GLUD1: variants seen among roughly 807,000 people sequenced by gnomAD.
GLUD1 encodes glutamate dehydrogenase 1, mitochondrial.
A neutral mutation model predicts 56.0 loss-of-function variants in GLUD1; 22 were observed. That is an observed-to-expected ratio of 0.39 (90% CI 0.28 to 0.56). The LOEUF (loss-of-function observed/expected upper bound fraction) is 0.56, where lower values mean the gene tolerates loss of function less well. Among genes scored for constraint, GLUD1 ranks in the 20% least tolerant of loss-of-function variants. The pLI is 0.58. For missense variants in GLUD1, 451 were observed against 732.0 expected, an observed-to-expected ratio of 0.62 and a Z score of 4.43; for synonymous variants, 223 against 269.9, an observed-to-expected ratio of 0.83 and a Z score of 1.70.
At chr10:87,059,764 T>C (rs1351437186) in intron 9 of GLUD1, among the ~76,000 whole-genome samples, 3 of 152,166 alleles carry the variant, frequency 2.0e-5, no homozygotes, top group Non-Finnish European at 2.9e-5. Flanking sequence ...GTAGACTCAT[T>C]TTTACTTGCT....
chr10:87,072,644 T>G (rs1846270046), intron 4 of GLUD1, among the ~76,000 whole-genome samples: 1 of 152,198 alleles, frequency 6.6e-6, no homozygotes, highest in African/African-American at 2.4e-5. Flanking sequence ...TAAGCTGTGT[T>G]TTCTTTCAGT....
chr10:87,055,405 G>A (rs1314233998), intron 11 of GLUD1, among the ~76,000 whole-genome samples: 1 of 152,148 alleles, frequency 6.6e-6, no homozygotes, highest in African/African-American at 2.4e-5. Context: ...GGAAACTAGA[G>A]GGAGAGAGCT....
chr10:87,092,918 A>G (rs1455860409), intron 1 of GLUD1, among the ~76,000 whole-genome samples: 1 of 152,210 alleles, frequency 6.6e-6, no homozygotes, highest in African/African-American at 2.4e-5. Context: ...GGTAGGAAGA[A>G]GGCAGGCAAA....
intron 1 of GLUD1, among the ~76,000 whole-genome samples, chr10:87,080,990 C>T (rs1323250790): frequency 1.4e-5 from 2 of 140,170 alleles, no homozygotes; most frequent in African/African-American, 2.6e-5. Flanking sequence ...GCCCCCCGCC[C>T]GGCCAGCCGC....
At chr10:87,080,693 T>A (rs1407831376) in intron 1 of GLUD1, among the ~76,000 whole-genome samples, 1 of 145,528 alleles carries the variant, frequency 6.9e-6, no homozygotes, top group Admixed American at 6.7e-5. Context: ...GAGGAGACCC[T>A]CTGCCCGGCA....
At chr10:87,075,643 C>T (rs543746487) in intron 3 of GLUD1, among the ~76,000 whole-genome samples, 7 of 152,210 alleles carry the variant, frequency 4.6e-5, no homozygotes, top group Admixed American at 2.0e-4. Context: ...ACTTTGAGGC[C>T]GGGTGCGGTG....
At chr10:87,091,096 T>C (rs1589386695) in intron 1 of GLUD1, among the ~76,000 whole-genome samples, 1 of 152,190 alleles carries the variant, frequency 6.6e-6, no homozygotes, top group South Asian at 2.1e-4. Context: ...TGGGTACTAA[T>C]ATTTGTAATT....
At position 87,053,328 on chromosome 10, in the gene GLUD1, A is replaced by G. The variant is rs1845688356; in HGVS notation, c.1557+14T>C. On this transcript the variant is annotated intron_variant, in intron 12 of 12. Coordinates refer to ENST00000277865, the MANE Select transcript of GLUD1 (RefSeq NM_005271.5). ...TGTGACTAGCTGGAAGGCAAACAGC[A>G]TCTGCACACATACCCTGGCAGAACG... 10 of 1,589,140 alleles carry G rather than the reference A, an allele frequency of 6.3e-6. No individual in the cohort carries two copies. The highest frequency in any genetic ancestry group is 8.6e-6 in the Non-Finnish European group (10 of 1,157,288).
At chr10:87,086,495 T>C (rs1841384408) in intron 1 of GLUD1, among the ~76,000 whole-genome samples, 2 of 152,206 alleles carry the variant, frequency 1.3e-5, no homozygotes, top group African/African-American at 4.8e-5. Flanking sequence ...TTCTGTGCCC[T>C]GCTAGATTCA....
In GLUD1 at chr10:87,094,567, T is replaced by G. The variant is rs1331625391; in HGVS notation, c.203A>C (p.Lys68Thr). The change falls in exon 1 of 13, where the codon AAG becomes ACG. Residue 68 changes from lysine to threonine, a missense_variant. Lys to Thr is a moderately conservative substitution (Grantham distance 78, BLOSUM62 -1). Coordinates refer to ENST00000277865, the MANE Select transcript of GLUD1 (RefSeq NM_005271.5). The surrounding 1 kb of genome is among the most constrained non-coding windows in gnomAD (Gnocchi z 6.6). ...GCGATCGAAGAAGCCCTCCACCATC[T>G]TGAAGAAGTTGGGGTCGTCCTCGCG... is the stretch of plus-strand genomic sequence containing the variant. ...ADREDDPNFF[K>T]MVEGFFDRGA... The G allele has an allele frequency of 5.6e-6, 9 of 1,611,924 alleles. No homozygotes were observed. The highest frequency in any genetic ancestry group is 6.8e-6 in the Non-Finnish European group (8 of 1,179,876).
At chr10:87,074,173 A>G (rs1846318508) in intron 4 of GLUD1, among the ~76,000 whole-genome samples, 1 of 152,214 alleles carries the variant, frequency 6.6e-6, no homozygotes, top group Admixed American at 6.5e-5. Context: ...TAATATCTTC[A>G]GAAATGTTGT....
At chr10:87,067,235 A>G (rs1385848217) in intron 5 of GLUD1, among the ~76,000 whole-genome samples, 3 of 151,940 alleles carry the variant, frequency 2.0e-5, no homozygotes, top group Non-Finnish European at 1.5e-5. Flanking sequence ...TTACCTCTTC[A>G]TTCTTACTTT....
intron 5 of GLUD1, among the ~76,000 whole-genome samples, chr10:87,067,241 AC>A (rs1846101825): frequency 6.6e-6 from 1 of 152,012 alleles, no homozygotes; most frequent in Admixed American, 6.6e-5. Context: ...CTTCATTCTT[AC>A]TTTTTTTTTG....
intron 2 of GLUD1, among the ~76,000 whole-genome samples, chr10:87,076,252 C>T (rs144812805): frequency 6.6e-6 from 1 of 152,240 alleles, no homozygotes; most frequent in East Asian, 1.9e-4. Context: ...TTAATCAGTG[C>T]TCTTTACCAC....
intron 6 of GLUD1, 107 bp downstream of exon 6, chr10:87,062,541 TAAAATTTA>T (rs936121044): frequency 1.1e-6 from 1 of 888,088 alleles, no homozygotes; most frequent in African/African-American, 1.7e-5. Flanking sequence ...ACCACCACTC[TAAAATTTA>T]AGAGATTTGA....
In GLUD1 at chr10:87,060,655, T is replaced by A. The variant is rs758961666; in HGVS notation, c.1197+33A>T. On this transcript the variant is annotated intron_variant, in intron 8 of 12. Coordinates refer to ENST00000277865, the MANE Select transcript of GLUD1 (RefSeq NM_005271.5). ...ACCCCCCTAACGTCATTCACATTGA[T>A]AATGTTGGTTCTGGTTTCTATAATG... 2.5e-6 allele frequency: 4 copies of A among 1,613,598 alleles called. No individual in the cohort carries two copies. In the African/African-American group the frequency reaches 5.3e-5, roughly 22 times the overall value.
At chr10:87,056,747 C>T (rs771116810) in intron 11 of GLUD1, among the ~76,000 whole-genome samples, 1 of 152,056 alleles carries the variant, frequency 6.6e-6, no homozygotes, top group African/African-American at 2.4e-5. Context: ...CTGCACCAAT[C>T]TACACCGTCA....
At chr10:87,061,126 T>A (rs1845918749) in intron 6 of GLUD1, 74 bp from the exon 7 acceptor site, 2 of 1,317,940 alleles carry the variant, frequency 1.5e-6, no homozygotes, top group African/African-American at 2.9e-5. Context: ...TTTTGACCAA[T>A]GTAAATCCAT....
chr10:87,056,994 G>T (rs545895228), intron 11 of GLUD1, among the ~76,000 whole-genome samples: 1 of 151,852 alleles, frequency 6.6e-6, no homozygotes, highest in Non-Finnish European at 1.5e-5. Flanking sequence ...CGGGGGGAGG[G>T]GGGTGGCGGC....
Sources: gnomAD v4.1 joint callset for allele counts (sites outside exome capture counted in the v4.1 genomes callset) on GRCh38, gnomAD v4.1.1 for gene constraint, Gnocchi (gnomAD v3.1) non-coding constraint, MANE v1.5 for transcripts, NCBI Gene and HGNC (gene_info 2026-07-23, HGNC 2026-07-21) for gene names.